Variants in ZNF618 observed in about 807,000 individuals in gnomAD.
The protein encoded by ZNF618 is zinc finger protein 618.
In ZNF618, 34 loss-of-function variants were observed where a neutral mutation model predicts 103.0. That is an observed-to-expected ratio of 0.33 (90% CI 0.25 to 0.44). The LOEUF is 0.44. Ranked by LOEUF, ZNF618 falls within the 20% of genes least tolerant of loss-of-function variation. The pLI is 1.00. For synonymous variants in ZNF618, 551 were observed against 542.2 expected, an observed-to-expected ratio of 1.02 and a Z score of -0.23; for missense variants, 1,059 against 1,295.4, an observed-to-expected ratio of 0.82 and a Z score of 2.80.
At chr9:114,016,620 G>C in intron 9 of ZNF618, 75 bp from the exon 10 acceptor site, 2 of 1,166,922 alleles carry the variant, frequency 1.7e-6, no homozygotes, top group Non-Finnish European at 2.5e-6. Flanking sequence ...AGTTTTTTGG[G>C]GGGTGGGAGC....
At chr9:113,895,995 T>C (rs1044842156) in intron 1 of ZNF618, among the ~76,000 whole-genome samples, 6 of 152,164 alleles carry the variant, frequency 3.9e-5, no homozygotes, top group African/African-American at 1.4e-4. Flanking sequence ...GAATATAATG[T>C]TATTTTAAGA....
At chr9:113,921,418 G>C (rs1832632197) in intron 1 of ZNF618, among the ~76,000 whole-genome samples, 1 of 152,256 alleles carries the variant, frequency 6.6e-6, no homozygotes, top group Admixed American at 6.5e-5. Context: ...CAGAGATTCA[G>C]AGTTGATTTA....
chr9:113,982,649 G>C (rs1192197025), intron 2 of ZNF618, among the ~76,000 whole-genome samples: 1 of 152,204 alleles, frequency 6.6e-6, no homozygotes, highest in Non-Finnish European at 1.5e-5. Flanking sequence ...CCACCACAGA[G>C]AGAAAGAGGC....
intron 1 of ZNF618, among the ~76,000 whole-genome samples, chr9:113,926,646 G>C (rs1414764304): frequency 6.6e-6 from 1 of 151,768 alleles, no homozygotes; most frequent in East Asian, 1.9e-4. Flanking sequence ...CCATCTCTCT[G>C]CTTATATTAT....
At position 114,053,052 on chromosome 9, in the gene ZNF618, CTT is replaced by C. The variant is rs1025514873; in HGVS notation, c.*2886_*2887del. On this transcript the variant is annotated 3_prime_UTR_variant, in exon 15 of 15. Transcript: ENST00000374126. ...ATAACAAGATAGCAGATGATTGTTT[CTT>C]GCAACCTCTGGTTCCCTCCGGAAAC... The C allele has an allele frequency of 5.4e-4, 82 of 152,548 alleles. No homozygotes were observed. Among genetic ancestry groups the C allele is most frequent in the African/African-American group, 1.7e-3 (72 of 41,580 alleles). 9.4% of individuals were successfully genotyped at this position (152,548 alleles called of 1,614,324 possible).
intron 1 of ZNF618, among the ~76,000 whole-genome samples, chr9:113,966,158 T>C (rs1837387792): frequency 6.6e-6 from 1 of 152,222 alleles, no homozygotes; most frequent in African/African-American, 2.4e-5. Context: ...CTAAGTACTT[T>C]TACATGCTAT....
rs1844214681 is a variant in ZNF618 at position 114,032,786 on chromosome 9, C to T, written c.1168+58C>T. On this transcript the variant is annotated intron_variant, in intron 12 of 14. Transcript: ENST00000374126. Reference sequence around the variant, plus strand: ...GTAGCTGCCAGCTTCGCCCGCTCCCCCCTGGCAGCCGCGGCAGCATCCTGT... The same window carrying T: ...GTAGCTGCCAGCTTCGCCCGCTCCCTCCTGGCAGCCGCGGCAGCATCCTGT... The T allele has an allele frequency of 2.7e-6, 4 of 1,488,778 alleles. No homozygotes were observed. In the South Asian group the frequency reaches 3.4e-5, roughly 13 times the overall value. 92.2% of individuals were successfully genotyped at this position (1,488,778 alleles called of 1,614,324 possible).
intron 1 of ZNF618, among the ~76,000 whole-genome samples, chr9:113,901,644 G>A (rs1459445656): frequency 6.6e-6 from 1 of 152,166 alleles, no homozygotes; most frequent in Non-Finnish European, 1.5e-5. Flanking sequence ...GGAAGCTCCA[G>A]CCAGGGGACA....
intron 1 of ZNF618, among the ~76,000 whole-genome samples, chr9:113,879,395 C>CT (rs1828282806): frequency 5.9e-4 from 45 of 75,864 alleles, no homozygotes; most frequent in African/African-American, 1.9e-3. Context: ...TTTTTTTTTT[C>CT]TGTTTTTTTT....
chr9:114,050,432 TTG>T lies in ZNF618; in HGVS notation c.*266_*267del, dbSNP rs1491157887. ...GCTCATCTCCATGGCCAGAGAAACT[TTG>T]CACACACGCACACACACACACACAC... On this transcript the variant is annotated 3_prime_UTR_variant, in exon 15 of 15. Transcript: ENST00000374126. The T allele has an allele frequency of 5.7e-6, 2 of 353,284 alleles. No homozygotes were observed. Among genetic ancestry groups the T allele is most frequent in the African/African-American group, 5.1e-5 (2 of 39,084 alleles). The allele number at this position is 353,284 out of a possible 1,614,324, so 21.9% of individuals were successfully genotyped here.
At chr9:114,042,986 G>A (rs1845347995) in intron 13 of ZNF618, among the ~76,000 whole-genome samples, 1 of 152,156 alleles carries the variant, frequency 6.6e-6, no homozygotes, top group African/African-American at 2.4e-5. Context: ...GAGTTCTACG[G>A]TATTTAGCCT....
chr9:113,948,917 G>A (rs1835292837), intron 1 of ZNF618, among the ~76,000 whole-genome samples: 1 of 152,228 alleles, frequency 6.6e-6, no homozygotes, highest in Non-Finnish European at 1.5e-5. Context: ...CTGCTTTGCT[G>A]CATTTTGAAA....
At chr9:113,905,100 C>T (rs952732085) in intron 1 of ZNF618, among the ~76,000 whole-genome samples, 2 of 152,016 alleles carry the variant, frequency 1.3e-5, no homozygotes, top group African/African-American at 2.4e-5. Context: ...AAGACTGCCT[C>T]GCTCTGTCAC....
chr9:113,959,598 C>A (rs62559207), intron 1 of ZNF618, among the ~76,000 whole-genome samples: 1 of 152,042 alleles, frequency 6.6e-6, no homozygotes, highest in Non-Finnish European at 1.5e-5. Context: ...CCCCCTTTTC[C>A]TTTATTTTTT....
At chr9:113,920,338 A>G (rs907152382) in intron 1 of ZNF618, among the ~76,000 whole-genome samples, 32 of 151,724 alleles carry the variant, frequency 2.1e-4, no homozygotes, top group African/African-American at 7.3e-4. Context: ...AGTGTGCTGT[A>G]GTGCTTGGGA....
At chr9:113,919,026 C>G (rs924682076) in intron 1 of ZNF618, among the ~76,000 whole-genome samples, 1 of 152,168 alleles carries the variant, frequency 6.6e-6, no homozygotes, top group African/African-American at 2.4e-5. Context: ...TCTGAATTAG[C>G]AGTTTAGGAG....
At chr9:113,998,416 A>G in intron 4 of ZNF618, 62 bp downstream of exon 4, 2 of 1,437,780 alleles carry the variant, frequency 1.4e-6, no homozygotes, top group Non-Finnish European at 1.9e-6. Flanking sequence ...GCACAGCTGG[A>G]CACAGCCATC....
At chr9:113,966,832 G>A (rs1377655196) in intron 1 of ZNF618, among the ~76,000 whole-genome samples, 1 of 152,182 alleles carries the variant, frequency 6.6e-6, no homozygotes, top group African/African-American at 2.4e-5. Flanking sequence ...AGCACCACCT[G>A]AGTCTCTGCA....
At position 114,049,933 on chromosome 9, in the gene ZNF618, C is replaced by T. The variant is rs1281690084; in HGVS notation, c.2631C>T (p.Tyr877=). 3.1e-6 allele frequency: 5 copies of T among 1,613,938 alleles called. No homozygotes were observed. Among genetic ancestry groups the T allele is most frequent in the Admixed American group, 1.7e-5 (1 of 60,030 alleles). ...TAGGCAAAAATGAAGTGTACGATTA[C>T]CTGCAGGAGCCCCTCTTCCAGGCTA... ...DRLGKNEVYD[Y]LQEPLFQATP... The change falls in exon 15 of 15, where the codon TAC becomes TAT. Residue 877 remains tyrosine (Y), a synonymous_variant. Transcript: ENST00000374126.
Sources: gnomAD v4.1 joint callset for allele counts (sites outside exome capture counted in the v4.1 genomes callset) on GRCh38, gnomAD v4.1.1 for gene constraint, MANE v1.5 for transcripts, NCBI Gene and HGNC (gene_info 2026-07-23, HGNC 2026-07-21) for gene names.